The following CNTN4 variants were observed in gnomAD, a reference collection of about 807,000 sequenced individuals.
CNTN4 encodes contactin 4, also known as contactin-4.
Under a neutral mutation model 122.5 loss-of-function variants are expected in CNTN4, and 77 were observed. The ratio of observed to expected loss-of-function variants is 0.63; its 90% CI spans 0.52 to 0.76. The LOEUF (loss-of-function observed/expected upper bound fraction) is 0.76, where lower values mean the gene tolerates loss of function less well. CNTN4 is among the 30% of genes least tolerant of loss of function. The pLI is 0.00. For synonymous variants in CNTN4, 512 were observed against 447.0 expected (o/e 1.15, Z -1.83); for missense variants, 1,256 against 1,259.1 (o/e 1.00, Z 0.04).
chr3:2,683,888 A>C (rs1307289747), intron 4 of CNTN4, among the ~76,000 whole-genome samples: 2 of 152,100 alleles, frequency 1.3e-5, no homozygotes, highest in Non-Finnish European at 2.9e-5. Context: ...CTCTACCTTA[A>C]ACCTACCAAA....
intron 2 of CNTN4, among the ~76,000 whole-genome samples, chr3:2,191,240 G>A (rs1380236356): frequency 2.1e-5 from 3 of 145,984 alleles, no homozygotes; most frequent in Admixed American, 6.8e-5. Flanking sequence ...AACTTATAAT[G>A]TGTTTTTAAT....
intron 6 of CNTN4, among the ~76,000 whole-genome samples, chr3:2,761,623 C>T (rs2090596837): frequency 6.6e-6 from 1 of 152,064 alleles, no homozygotes; most frequent in African/African-American, 2.4e-5. Flanking sequence ...TCTCACTGGT[C>T]CACATACACC....
rs34464778 is a variant in CNTN4, at chr3:2,377,772, A to ATT, written c.-89+38540_-89+38541dup. ...TTTCTTAAAACATGATTTTTTTGTG[A>ATT]TTATTTTTTTTTAACCTCATCAGTT... On this transcript the variant is annotated intron_variant, in intron 3 of 24. Transcript: ENST00000418658. Among the ~76,000 whole-genome samples, 212 of 137,968 alleles carry ATT rather than the reference A, an allele frequency of 1.5e-3. 1 individual carries two copies. Among genetic ancestry groups the ATT allele is most frequent in the African/African-American group, 4.7e-3 (182 of 38,896 alleles). 90.5% of individuals were successfully genotyped at this position (137,968 alleles called of 152,430 possible).
chr3:2,883,179 G>A lies in CNTN4; in HGVS notation c.687G>A (p.Val229=). 1 of 1,613,830 alleles carries A rather than the reference G, an allele frequency of 6.2e-7. No individual in the cohort carries two copies. Among genetic ancestry groups the A allele is most frequent in the South Asian group, 1.1e-5 (1 of 91,042 alleles). The change falls in exon 9 of 25, where the codon GTG becomes GTA. Residue 229 remains valine (V), a synonymous_variant. Coordinates refer to ENST00000418658, the MANE Select transcript of CNTN4 (RefSeq NM_175607.3). ...VMGEYEPKIE[V]QFPETVPTAK... ...GTGAATATGAGCCCAAAATAGAAGT[G>A]CAGTTCCCAGAAACAGTTCCGACTG...
intron 7 of CNTN4, among the ~76,000 whole-genome samples, chr3:2,838,181 C>A (rs970254614): frequency 1.3e-5 from 2 of 152,134 alleles, no homozygotes; most frequent in Non-Finnish European, 2.9e-5. Context: ...CTAAGTAGAT[C>A]CATAAAGCTT....
At chr3:2,193,654 A>G (rs139067068) in intron 2 of CNTN4, among the ~76,000 whole-genome samples, 83 of 152,358 alleles carry the variant, frequency 5.4e-4, no homozygotes, top group African/African-American at 2.0e-3. Flanking sequence ...TGCACCACAT[A>G]ATGATGTTTC....
intron 13 of CNTN4, among the ~76,000 whole-genome samples, chr3:2,954,192 C>G (rs748780394): frequency 3.9e-5 from 6 of 152,170 alleles, no homozygotes; most frequent in Admixed American, 6.5e-5. Context: ...CTAGACATCA[C>G]CCAGCATCCT....
At chr3:2,406,777 A>C (rs569238194) in intron 3 of CNTN4, among the ~76,000 whole-genome samples, 1 of 152,312 alleles carries the variant, frequency 6.6e-6, no homozygotes, top group African/African-American at 2.4e-5. Context: ...CCTCATAGTT[A>C]AAAGCAATTG....
rs113198357 is a variant in CNTN4 at position 2,452,182 on chromosome 3, A to G, written c.-89+112949A>G. On this transcript the variant is annotated intron_variant, in intron 3 of 24. Coordinates refer to ENST00000418658, the MANE Select transcript of CNTN4 (RefSeq NM_175607.3). ...CAGAAGCTCATTTATAGACTCTGCTATCTACTGCTATTTGATCCAGAAAAG... is the reference window on the plus strand; with the variant it reads ...CAGAAGCTCATTTATAGACTCTGCTGTCTACTGCTATTTGATCCAGAAAAG... Among the ~76,000 whole-genome samples the G allele has an allele frequency of 1.2e-3, 177 of 152,308 alleles. No individual in the cohort carries two copies. In the Middle Eastern group the frequency reaches 0.014, roughly 12 times the overall value.
At chr3:2,620,973 A>T (rs2081967310) in intron 4 of CNTN4, among the ~76,000 whole-genome samples, 1 of 152,216 alleles carries the variant, frequency 6.6e-6, no homozygotes, top group African/African-American at 2.4e-5. Flanking sequence ...ATTTGGCTCT[A>T]GAAAGTACAT....
intron 3 of CNTN4, among the ~76,000 whole-genome samples, chr3:2,339,976 C>T (rs553920468): frequency 6.6e-6 from 1 of 152,304 alleles, no homozygotes; most frequent in Non-Finnish European, 1.5e-5. Flanking sequence ...ATGCATCAGT[C>T]AAATCTCTGC....
At chr3:2,690,282 C>A (rs1006350431) in intron 4 of CNTN4, among the ~76,000 whole-genome samples, 1 of 152,104 alleles carries the variant, frequency 6.6e-6, no homozygotes, top group African/African-American at 2.4e-5. Context: ...GTACATGCAT[C>A]CTTCCCCACG....
At chr3:2,102,645 C>G (rs2032081255) in intron 2 of CNTN4, among the ~76,000 whole-genome samples, 1 of 152,126 alleles carries the variant, frequency 6.6e-6, no homozygotes, top group Non-Finnish European at 1.5e-5. Context: ...TTACTTGCAT[C>G]AAGCCATTGG....
intron 4 of CNTN4, among the ~76,000 whole-genome samples, chr3:2,706,706 A>G (rs1398520135): frequency 2.0e-5 from 3 of 152,174 alleles, no homozygotes; most frequent in Non-Finnish European, 4.4e-5. Context: ...GTGCTAAAGA[A>G]CAATTCTCTT....
At chr3:2,674,621 G>T (rs935218633) in intron 4 of CNTN4, among the ~76,000 whole-genome samples, 3 of 152,156 alleles carry the variant, frequency 2.0e-5, no homozygotes, top group African/African-American at 7.2e-5. Context: ...AGCTGGGTGT[G>T]GTGGTGCATG....
At chr3:2,119,090 G>A (rs1397643997) in intron 2 of CNTN4, among the ~76,000 whole-genome samples, 1 of 152,164 alleles carries the variant, frequency 6.6e-6, no homozygotes, top group Non-Finnish European at 1.5e-5. Context: ...CCATAATGTG[G>A]TGGGCCACAT....
rs187772624 is a variant in CNTN4, at chr3:2,902,376, T to A, written c.1078-500T>A. On this transcript the variant is annotated intron_variant, in intron 11 of 24. Coordinates refer to ENST00000418658, the MANE Select transcript of CNTN4 (RefSeq NM_175607.3). ...AACTAAGGGAATATTAAACTATTAA[T>A]ACCTACATTTTTTAGTAAACCTCAA... Among the ~76,000 whole-genome samples the A allele has an allele frequency of 4.6e-5, 7 of 152,266 alleles. No homozygotes were observed. In the East Asian group the frequency reaches 1.4e-3, roughly 29 times the overall value.
At chr3:3,051,664 T>G (rs1438659721) in intron 23 of CNTN4, among the ~76,000 whole-genome samples, 2 of 152,214 alleles carry the variant, frequency 1.3e-5, no homozygotes, top group Non-Finnish European at 2.9e-5. Context: ...CAACTGATGC[T>G]GCGGAGAAGA....
chr3:2,323,425 G>A (rs1469716052), intron 2 of CNTN4, among the ~76,000 whole-genome samples: 1 of 152,134 alleles, frequency 6.6e-6, no homozygotes, highest in African/African-American at 2.4e-5. Flanking sequence ...CCCTTAAATT[G>A]TCATGCTGCT....
Sources: gnomAD v4.1 joint callset for allele counts (sites outside exome capture counted in the v4.1 genomes callset) on GRCh38, gnomAD v4.1.1 for gene constraint, MANE v1.5 for transcripts, NCBI Gene and HGNC (gene_info 2026-07-23, HGNC 2026-07-21) for gene names.